CACNA2D3: variants seen among roughly 807,000 people sequenced by gnomAD.
CACNA2D3 encodes voltage-dependent calcium channel subunit alpha-2/delta-3.
Under a neutral mutation model 160.6 loss-of-function variants are expected in CACNA2D3, and 60 were observed. That is an observed-to-expected ratio of 0.37 (90% confidence interval 0.30 to 0.46). CACNA2D3 has a LOEUF of 0.46. Among genes scored for constraint, CACNA2D3 ranks in the 20% least tolerant of loss-of-function variants. CACNA2D3 has a pLI of 1.00. For synonymous variants in CACNA2D3, 558 were observed against 492.9 expected (o/e 1.13, Z -1.75); for missense variants, 1,205 against 1,365.0 (o/e 0.88, Z 1.85).
At chr3:54,432,227 A>C (rs1162845040) in intron 4 of CACNA2D3, among the ~76,000 whole-genome samples, 5 of 152,190 alleles carry the variant, frequency 3.3e-5, no homozygotes, top group Non-Finnish European at 7.3e-5. Context: ...GATTATAGCT[A>C]TCTCAACATT....
chr3:54,805,120 C>T (rs557392323), intron 13 of CACNA2D3, among the ~76,000 whole-genome samples: 1 of 152,106 alleles, frequency 6.6e-6, no homozygotes, highest in East Asian at 1.9e-4. Context: ...AAATTGACAC[C>T]CTAACATCAC....
chr3:54,669,220 A>G (rs918944583), intron 11 of CACNA2D3, among the ~76,000 whole-genome samples: 1 of 152,118 alleles, frequency 6.6e-6, no homozygotes, highest in Non-Finnish European at 1.5e-5. Context: ...TGAAATCCTT[A>G]ATACTTTTCA....
intron 10 of CACNA2D3, among the ~76,000 whole-genome samples, chr3:54,635,568 A>G (rs951532442): frequency 6.6e-6 from 1 of 152,078 alleles, no homozygotes; most frequent in Non-Finnish European, 1.5e-5. Flanking sequence ...AAAAAGGAGC[A>G]TCTATACAGG....
intron 27 of CACNA2D3, among the ~76,000 whole-genome samples, chr3:54,921,409 TAGTGA>T (rs1259656746): frequency 4.6e-5 from 7 of 152,182 alleles, no homozygotes; most frequent in African/African-American, 7.2e-5. Context: ...AGTAAATGTT[TAGTGA>T]AGTGAAGATG....
intron 4 of CACNA2D3, among the ~76,000 whole-genome samples, chr3:54,391,701 G>A (rs1005898885): frequency 7.9e-5 from 12 of 152,128 alleles, no homozygotes; most frequent in African/African-American, 2.4e-4. Flanking sequence ...TGTGGATACC[G>A]GGTTTCACCA....
At chr3:54,673,693 G>A (rs549822417) in intron 11 of CACNA2D3, among the ~76,000 whole-genome samples, 1 of 152,254 alleles carries the variant, frequency 6.6e-6, no homozygotes, top group South Asian at 2.1e-4. Context: ...GTAATATCTG[G>A]TAGGACATTA....
intron 2 of CACNA2D3, among the ~76,000 whole-genome samples, chr3:54,153,066 G>A (rs1309942935): frequency 6.6e-6 from 1 of 152,196 alleles, no homozygotes; most frequent in Non-Finnish European, 1.5e-5. Context: ...GGAGAAGAAT[G>A]CAAACAGATT....
intron 12 of CACNA2D3, among the ~76,000 whole-genome samples, chr3:54,753,471 C>A (rs75140253): frequency 6.6e-6 from 1 of 152,058 alleles, no homozygotes; most frequent in South Asian, 2.1e-4. Flanking sequence ...AGAACAGTCA[C>A]GAGATGCAGC....
chr3:54,568,162 A>G (rs565427338), intron 6 of CACNA2D3, among the ~76,000 whole-genome samples: 51 of 152,338 alleles, frequency 3.3e-4, no homozygotes, highest in African/African-American at 1.2e-3. Context: ...ACAGGAAGTC[A>G]TAGGTTGTCT....
intron 13 of CACNA2D3, chr3:54,789,729 A>G: frequency 2.2e-6 from 1 of 453,558 alleles, no homozygotes; most frequent in South Asian, 1.6e-5. Flanking sequence ...ATGAGTTGTC[A>G]GAGCTTTCTC....
intron 21 of CACNA2D3, among the ~76,000 whole-genome samples, chr3:54,884,744 A>G (rs1181720293): frequency 2.0e-5 from 3 of 152,194 alleles, no homozygotes; most frequent in Non-Finnish European, 4.4e-5. Context: ...ACAACTAGCA[A>G]TCTTTGCTGC....
At chr3:54,132,213 A>T (rs1699726854) in intron 2 of CACNA2D3, among the ~76,000 whole-genome samples, 1 of 152,174 alleles carries the variant, frequency 6.6e-6, no homozygotes, top group South Asian at 2.1e-4. Context: ...CTACGTTTGG[A>T]TATTCTTTCC....
chr3:54,453,948 C>T (rs1213145417), intron 4 of CACNA2D3, among the ~76,000 whole-genome samples: 1 of 152,160 alleles, frequency 6.6e-6, no homozygotes, highest in East Asian at 1.9e-4. Context: ...GACACCCAAA[C>T]CACATGAGCT....
At position 54,466,167 on chromosome 3, in the gene CACNA2D3, C is replaced by T. The variant is rs141511896; in HGVS notation, c.382-37325C>T. 5.9e-3 allele frequency among the ~76,000 whole-genome samples: 894 copies of T among 152,304 alleles called. 9 individuals carry two copies. The highest frequency in any genetic ancestry group is 0.019 in the African/African-American group (800 of 41,564). Reference sequence around the variant, plus strand: ...GTCAACTGACTCAAGACTTTAATTTCATCTGCAAAATACCCCTAGATTAGT... The same window carrying T: ...GTCAACTGACTCAAGACTTTAATTTTATCTGCAAAATACCCCTAGATTAGT... On this transcript the variant is annotated intron_variant, in intron 4 of 37. Transcript: ENST00000474759.
chr3:54,789,143 G>A (rs964959433), intron 13 of CACNA2D3, among the ~76,000 whole-genome samples: 2 of 152,022 alleles, frequency 1.3e-5, no homozygotes, highest in Admixed American at 1.3e-4. Flanking sequence ...TTAAATATAA[G>A]CATATCATTA....
intron 2 of CACNA2D3, among the ~76,000 whole-genome samples, chr3:54,230,849 T>C (rs1284075786): frequency 6.6e-6 from 1 of 152,230 alleles, no homozygotes; most frequent in Non-Finnish European, 1.5e-5. Context: ...CTGTAAACAT[T>C]TTCTTTGCTG....
chr3:54,727,146 A>G (rs764221954), intron 11 of CACNA2D3, among the ~76,000 whole-genome samples: 3 of 152,242 alleles, frequency 2.0e-5, no homozygotes, highest in African/African-American at 7.2e-5. Context: ...GCCAACAGAC[A>G]TATGAAAAAA....
chr3:54,526,782 C>G (rs1000483858), intron 5 of CACNA2D3, among the ~76,000 whole-genome samples: 2 of 152,186 alleles, frequency 1.3e-5, no homozygotes, highest in Non-Finnish European at 2.9e-5. Context: ...CCTCCACCTC[C>G]TGGGTTCAAG....
intron 11 of CACNA2D3, among the ~76,000 whole-genome samples, chr3:54,698,028 T>C (rs1449174745): frequency 6.6e-6 from 1 of 152,226 alleles, no homozygotes; most frequent in African/African-American, 2.4e-5. Flanking sequence ...TGCCGATATT[T>C]TTAGCTATTG....
Sources: allele counts gnomAD v4.1 joint callset (sites outside exome capture counted in the v4.1 genomes callset), GRCh38; gene constraint gnomAD v4.1.1; transcripts MANE v1.5; gene names NCBI Gene and HGNC (gene_info 2026-07-23, HGNC 2026-07-21).